NCOA2: variants seen among roughly 807,000 people sequenced by gnomAD.
NCOA2 encodes the protein class E basic helix-loop-helix protein 75.
Under a neutral mutation model 145.1 loss-of-function variants are expected in NCOA2, and 21 were observed. The ratio of observed to expected loss-of-function variants is 0.14; its 90% CI spans 0.10 to 0.21. The LOEUF is 0.21. Among genes scored for constraint, NCOA2 ranks in the 10% least tolerant of loss-of-function variants. The probability of loss-of-function intolerance (pLI) is 1.00; values close to 1 mark genes in which losing one functional copy is unlikely to be tolerated. For synonymous variants in NCOA2, 619 were observed against 637.5 expected (o/e 0.97, Z 0.44); for missense variants, 1,472 against 1,837.6 (o/e 0.80, Z 3.64).
chr8:70,250,980 G>A (rs975933648), intron 2 of NCOA2, among the ~76,000 whole-genome samples: 1 of 152,120 alleles, frequency 6.6e-6, no homozygotes, highest in African/African-American at 2.4e-5. Context: ...GATAGTAAGG[G>A]AAAAAGTAAT....
intron 11 of NCOA2, among the ~76,000 whole-genome samples, chr8:70,151,273 G>A (rs542711966): frequency 3.0e-4 from 46 of 151,704 alleles, no homozygotes; most frequent in Admixed American, 9.8e-4. Context: ...ATTAAGAACA[G>A]TCTAGACTCA....
intron 1 of NCOA2, among the ~76,000 whole-genome samples, chr8:70,363,382 C>CA (rs113316710): frequency 0.14 from 17,135 of 125,758 alleles, 1,345 homozygotes; most frequent in East Asian, 0.43. Context: ...GACACCATCT[C>CA]AAAAAAAAAA....
At chr8:70,441,448 AAAAG>A in the NCOA2 span, among the ~76,000 whole-genome samples, 1 of 150,762 alleles carries the variant, frequency 6.6e-6, no homozygotes, top group Non-Finnish European at 1.5e-5. Context: ...GAAAAAAGAA[AAAAG>A]AAAGAAAAGA....
intron 1 of NCOA2, among the ~76,000 whole-genome samples, chr8:70,343,611 C>T (rs1808336927): frequency 6.6e-6 from 1 of 151,770 alleles, no homozygotes; most frequent in Non-Finnish European, 1.5e-5. Context: ...CAGGAGAGTT[C>T]GAGACCAGCC....
At chr8:70,229,870 G>A (rs1019508461) in intron 2 of NCOA2, among the ~76,000 whole-genome samples, 1 of 152,176 alleles carries the variant, frequency 6.6e-6, no homozygotes, top group African/African-American at 2.4e-5. Context: ...CTAAACTTTA[G>A]AAAGAAATTG....
Position 70,110,598 on chromosome 8 carries a change from T to C in NCOA2, c.*3034A>G, listed in dbSNP as rs1806454182. On this transcript the variant is annotated 3_prime_UTR_variant, in exon 23 of 23. Transcript: ENST00000452400. Reference sequence around the variant, plus strand: ...GTTGCATTTCAAAACTGATTGTGTATCTTTGGGTTCTGCAAGTGGATCTGT... The same window carrying C: ...GTTGCATTTCAAAACTGATTGTGTACCTTTGGGTTCTGCAAGTGGATCTGT... 1 of 209,286 alleles carries C rather than the reference T, an allele frequency of 4.8e-6. No homozygotes were observed. Among genetic ancestry groups the C allele is most frequent in the African/African-American group, 2.3e-5 (1 of 44,102 alleles). The allele number at this position is 209,286 out of a possible 1,614,324, so 13.0% of individuals were successfully genotyped here.
chr8:70,365,189 T>C (rs72663983), intron 1 of NCOA2, among the ~76,000 whole-genome samples: 12 of 152,078 alleles, frequency 7.9e-5, no homozygotes, highest in South Asian at 6.2e-4. Flanking sequence ...CAAAAATTAG[T>C]TGGGCATGGT....
At chr8:70,313,996 T>C (rs1292566856) in intron 1 of NCOA2, among the ~76,000 whole-genome samples, 1 of 151,202 alleles carries the variant, frequency 6.6e-6, no homozygotes, top group African/African-American at 2.4e-5. Flanking sequence ...TGAAACCCCA[T>C]CCCTACTAAA....
the NCOA2 span, among the ~76,000 whole-genome samples, chr8:70,423,450 T>G: frequency 6.6e-6 from 1 of 152,186 alleles, no homozygotes; most frequent in Admixed American, 6.5e-5. Context: ...CCCGGAGTGC[T>G]GGGATTGAGC....
intron 1 of NCOA2, among the ~76,000 whole-genome samples, chr8:70,303,977 A>G (rs934254332): frequency 2.0e-5 from 3 of 152,098 alleles, no homozygotes; most frequent in Admixed American, 6.6e-5. Flanking sequence ...AATAGTGTGG[A>G]TAATTTTTAG....
chr8:70,197,230 T>A (rs1442620704), intron 4 of NCOA2, among the ~76,000 whole-genome samples: 3 of 152,016 alleles, frequency 2.0e-5, no homozygotes, highest in Admixed American at 2.0e-4. Context: ...TTTTACTTCC[T>A]ACCTTCTCTT....
Position 70,119,814 on chromosome 8 carries a change from A to C in NCOA2, c.4383+1488T>G, listed in dbSNP as rs141517986. ...TGATTACTGATGCTGAGCATTTTTA[A>C]TATAACTGCTGGCCACCTGTACATT... On this transcript the variant is annotated intron_variant, in intron 22 of 22. Coordinates refer to ENST00000452400, the MANE Select transcript of NCOA2 (RefSeq NM_006540.4). Among the ~76,000 whole-genome samples, 245 of 151,558 alleles carry C rather than the reference A, an allele frequency of 1.6e-3. 2 individuals carry two copies. The highest frequency in any genetic ancestry group is 3.5e-3 in the Middle Eastern group (1 of 288).
the NCOA2 span, among the ~76,000 whole-genome samples, chr8:70,445,406 C>T: frequency 7.9e-5 from 12 of 152,086 alleles, no homozygotes; most frequent in Non-Finnish European, 1.5e-4. Context: ...CAATTTGCTC[C>T]CCTGCTGGTT....
chr8:70,326,424 C>G (rs902644195), intron 1 of NCOA2, among the ~76,000 whole-genome samples: 1 of 142,218 alleles, frequency 7.0e-6, no homozygotes, highest in African/African-American at 2.7e-5. Context: ...CTGCATTTCT[C>G]TCTCTCACAC....
the NCOA2 span, among the ~76,000 whole-genome samples, chr8:70,439,188 C>A: frequency 6.6e-6 from 1 of 152,088 alleles, no homozygotes; most frequent in Non-Finnish European, 1.5e-5. Flanking sequence ...TCTTGCTATG[C>A]CCAGTTATAT....
the NCOA2 span, among the ~76,000 whole-genome samples, chr8:70,447,325 G>T: frequency 9.3e-4 from 141 of 152,268 alleles, no homozygotes; most frequent in African/African-American, 3.2e-3. Flanking sequence ...AAGCACATAG[G>T]AGACAGTTGT....
chr8:70,356,810 T>C (rs952864094), intron 1 of NCOA2, among the ~76,000 whole-genome samples: 2 of 152,222 alleles, frequency 1.3e-5, no homozygotes, highest in Admixed American at 1.3e-4. Context: ...ATTTTCACAT[T>C]CATTCTGTCA....
chr8:70,423,371 C>T, the NCOA2 span, among the ~76,000 whole-genome samples: 16 of 152,054 alleles, frequency 1.1e-4, no homozygotes, highest in South Asian at 8.3e-4. Context: ...TTAGTAAAGA[C>T]GGGATTTCAC....
chr8:70,364,155 G>A (rs764425316), intron 1 of NCOA2, among the ~76,000 whole-genome samples: 1 of 151,722 alleles, frequency 6.6e-6, no homozygotes. Context: ...CAACCAGGAA[G>A]AATATGGAGA....
Sources: allele counts gnomAD v4.1 joint callset (sites outside exome capture counted in the v4.1 genomes callset), GRCh38; gene constraint gnomAD v4.1.1; transcripts MANE v1.5; gene names NCBI Gene and HGNC (gene_info 2026-07-23, HGNC 2026-07-21).